The following KCNT2 variants were observed in gnomAD, a reference collection of about 807,000 sequenced individuals.
KCNT2 encodes potassium sodium-activated channel subfamily T member 2.
Under a neutral mutation model 153.8 loss-of-function variants are expected in KCNT2, and 67 were observed. The observed-to-expected ratio is 0.44, with a 90% CI of 0.36 to 0.53. The LOEUF (loss-of-function observed/expected upper bound fraction) is 0.53. Among genes scored for constraint, KCNT2 ranks in the 20% least tolerant of loss-of-function variants. The pLI is 0.00. For missense variants in KCNT2, 975 were observed against 1,354.8 expected, an observed-to-expected ratio of 0.72 and a Z score of 4.40; for synonymous variants, 500 against 458.8, an observed-to-expected ratio of 1.09 and a Z score of -1.15.
intron 1 of KCNT2, among the ~76,000 whole-genome samples, chr1:196,568,418 C>T (rs1220363080): frequency 1.3e-5 from 2 of 151,780 alleles, no homozygotes; most frequent in African/African-American, 4.8e-5. Context: ...ACGGTGAAAC[C>T]CCGTCTCTAC....
In KCNT2 at chr1:196,457,288, T is replaced by C. The variant is rs12566218; in HGVS notation, c.638+8005A>G. Among the ~76,000 whole-genome samples the C allele has an allele frequency of 2.6e-5, 4 of 151,738 alleles. No homozygotes were observed. The East Asian group carries it at 7.8e-4, about 30-fold the overall frequency. ...TTATTGGTTCATATAATGAATTGTG[T>C]TCTCTAGTACTTACTTTTTATATAT... On this transcript the variant is annotated intron_variant, in intron 8 of 27. Coordinates refer to ENST00000294725, the MANE Select transcript of KCNT2 (RefSeq NM_198503.5).
intron 8 of KCNT2, among the ~76,000 whole-genome samples, chr1:196,463,790 A>G (rs751565108): frequency 3.3e-5 from 5 of 151,806 alleles, no homozygotes; most frequent in Non-Finnish European, 7.4e-5. Flanking sequence ...GGTGCCACCT[A>G]TACTACCCAA....
intron 1 of KCNT2, among the ~76,000 whole-genome samples, chr1:196,506,422 A>G (rs1341188958): frequency 6.6e-6 from 1 of 152,198 alleles, no homozygotes; most frequent in Non-Finnish European, 1.5e-5. Context: ...GTTTCCTACA[A>G]TAATCATTTA....
At chr1:196,501,987 C>A (rs1375575225) in intron 1 of KCNT2, among the ~76,000 whole-genome samples, 1 of 151,982 alleles carries the variant, frequency 6.6e-6, no homozygotes, top group Admixed American at 6.6e-5. Flanking sequence ...GGCATGGCGG[C>A]GGGTGCCTGT....
At position 196,454,658 on chromosome 1, in the gene KCNT2, C is replaced by T. The variant is rs565802794; in HGVS notation, c.638+10635G>A. Among the ~76,000 whole-genome samples the T allele has an allele frequency of 1.9e-3, 282 of 151,894 alleles. 2 individuals carry two copies. Among genetic ancestry groups the T allele is most frequent in the African/African-American group, 6.4e-3 (267 of 41,468 alleles). On this transcript the variant is annotated intron_variant, in intron 8 of 27. Coordinates refer to ENST00000294725, the MANE Select transcript of KCNT2 (RefSeq NM_198503.5). ...TGATTTATTTTCTCTTGAGTATATA[C>T]CCAGTAATGGAATTGCTGGGTTGAA...
At chr1:196,276,810 T>C (rs1207001179) in intron 25 of KCNT2, among the ~76,000 whole-genome samples, 2 of 152,200 alleles carry the variant, frequency 1.3e-5, no homozygotes, top group Admixed American at 1.3e-4. Context: ...CATTTTATTC[T>C]GGCTTGTGGT....
intron 8 of KCNT2, among the ~76,000 whole-genome samples, chr1:196,434,874 G>A (rs1246405826): frequency 2.0e-5 from 3 of 151,566 alleles, no homozygotes; most frequent in Non-Finnish European, 4.4e-5. Flanking sequence ...TCTACTAGAG[G>A]ATGAGAGGCC....
At chr1:196,597,450 C>A (rs923676043) in intron 1 of KCNT2, among the ~76,000 whole-genome samples, 2 of 151,228 alleles carry the variant, frequency 1.3e-5, no homozygotes, top group South Asian at 2.1e-4. Context: ...GAGAACAATT[C>A]TCTATAGTTA....
At chr1:196,598,075 A>C (rs189609300) in intron 1 of KCNT2, among the ~76,000 whole-genome samples, 49 of 152,292 alleles carry the variant, frequency 3.2e-4, no homozygotes, top group African/African-American at 1.2e-3. Context: ...GCTATAAAAA[A>C]TAGTAATAAT....
At chr1:196,331,305 A>C in intron 17 of KCNT2, 44 bp from the exon 18 acceptor site, 1 of 966,316 alleles carries the variant, frequency 1.0e-6, no homozygotes, top group Admixed American at 1.8e-5. Flanking sequence ...AGGCATGCAA[A>C]TTTGAGAAAT....
intron 1 of KCNT2, among the ~76,000 whole-genome samples, chr1:196,532,294 A>G (rs961745115): frequency 6.6e-6 from 1 of 151,998 alleles, no homozygotes; most frequent in Admixed American, 6.6e-5. Flanking sequence ...AAAAACAGGG[A>G]AAAAGTAGGT....
chr1:196,305,928 T>C (rs1318530392), intron 21 of KCNT2, among the ~76,000 whole-genome samples: 1 of 152,150 alleles, frequency 6.6e-6, no homozygotes, highest in African/African-American at 2.4e-5. Context: ...GAAATTTTTT[T>C]TCACAGGTCC....
At chr1:196,588,888 A>G in intron 1 of KCNT2, among the ~76,000 whole-genome samples, 1 of 151,900 alleles carries the variant, frequency 6.6e-6, no homozygotes, top group East Asian at 1.9e-4. Flanking sequence ...CAACAGGGTA[A>G]TTTCATTTAT....
chr1:196,337,419 G>A (rs1218599631), intron 16 of KCNT2, among the ~76,000 whole-genome samples: 1 of 152,026 alleles, frequency 6.6e-6, no homozygotes, highest in Non-Finnish European at 1.5e-5. Context: ...CTCAGCATAG[G>A]TGAGATCAGG....
intron 1 of KCNT2, among the ~76,000 whole-genome samples, chr1:196,522,715 T>A (rs1239581060): frequency 6.6e-6 from 1 of 152,138 alleles, no homozygotes; most frequent in Non-Finnish European, 1.5e-5. Context: ...CAGCACTCTG[T>A]AAAAACGCAG....
intron 1 of KCNT2, among the ~76,000 whole-genome samples, chr1:196,561,684 G>GAAAA (rs1553254856): frequency 1.1e-5 from 1 of 93,978 alleles, no homozygotes. Context: ...AAAAGAAGAA[G>GAAAA]AAGAAAGAAT....
At chr1:196,472,225 T>TC (rs1228307517) in intron 5 of KCNT2, among the ~76,000 whole-genome samples, 1 of 152,228 alleles carries the variant, frequency 6.6e-6, no homozygotes, top group Non-Finnish European at 1.5e-5. Context: ...TACACACTCT[T>TC]CCCCTTCTGT....
intron 22 of KCNT2, among the ~76,000 whole-genome samples, chr1:196,298,059 C>A (rs1311082598): frequency 6.6e-6 from 1 of 152,020 alleles, no homozygotes; most frequent in East Asian, 1.9e-4. Flanking sequence ...CATATTTCTC[C>A]CAGAAGATAT....
chr1:196,538,485 G>C (rs1234390611), intron 1 of KCNT2, among the ~76,000 whole-genome samples: 1 of 152,148 alleles, frequency 6.6e-6, no homozygotes, highest in African/African-American at 2.4e-5. Context: ...AAGCCAGCCT[G>C]GATGCAAGTC....
Sources: allele counts gnomAD v4.1 joint callset (sites outside exome capture counted in the v4.1 genomes callset), GRCh38; gene constraint gnomAD v4.1.1; transcripts MANE v1.5; gene names NCBI Gene and HGNC (gene_info 2026-07-23, HGNC 2026-07-21).